HTR7: variants seen among roughly 807,000 people sequenced by gnomAD.
HTR7 encodes 5-HT-7.
Under a neutral mutation model 34.0 loss-of-function variants are expected in HTR7, and 16 were observed. The ratio of observed to expected loss-of-function variants is 0.47; its 90% CI spans 0.32 to 0.71. HTR7 has a LOEUF of 0.71. Among genes scored for constraint, HTR7 ranks in the 30% least tolerant of loss-of-function variants. The pLI, the probability that HTR7 is intolerant of heterozygous loss-of-function variation, is 0.04. For missense variants in HTR7, 504 were observed against 625.5 expected (o/e 0.81, Z 2.07); for synonymous variants, 265 against 260.2 (o/e 1.02, Z -0.18).
chr10:90,761,488 G>A (rs1482622771), intron 1 of HTR7, among the ~76,000 whole-genome samples: 2 of 152,110 alleles, frequency 1.3e-5, no homozygotes. Context: ...GGAGGCTTCT[G>A]GATCTTTCCA....
At chr10:90,811,984 T>C (rs547351107) in intron 1 of HTR7, among the ~76,000 whole-genome samples, 1 of 152,296 alleles carries the variant, frequency 6.6e-6, no homozygotes, top group East Asian at 1.9e-4. Flanking sequence ...AACCTTTACA[T>C]CCCTTACAGT....
At chr10:90,789,685 C>CA (rs925831106) in intron 1 of HTR7, among the ~76,000 whole-genome samples, 19 of 150,826 alleles carry the variant, frequency 1.3e-4, no homozygotes, top group South Asian at 8.4e-4. Flanking sequence ...CACAATCAAA[C>CA]AAAAAAAAAT....
chr10:90,822,973 T>C (rs755076815), intron 1 of HTR7, among the ~76,000 whole-genome samples: 2 of 152,102 alleles, frequency 1.3e-5, no homozygotes, highest in Non-Finnish European at 2.9e-5. Context: ...CTTGGGAGCC[T>C]CCACCTAGAT....
At chr10:90,821,624 G>C (rs546134449) in intron 1 of HTR7, among the ~76,000 whole-genome samples, 27 of 152,272 alleles carry the variant, frequency 1.8e-4, no homozygotes, top group African/African-American at 6.5e-4. Flanking sequence ...AGTGGACTTC[G>C]GGGACACATG....
At chr10:90,778,412 C>T (rs535274495) in intron 1 of HTR7, among the ~76,000 whole-genome samples, 1 of 152,146 alleles carries the variant, frequency 6.6e-6, no homozygotes, top group Non-Finnish European at 1.5e-5. Context: ...CTCAGCCCCT[C>T]ACCGAGTGAT....
At chr10:90,785,337 T>G (rs572841784) in intron 1 of HTR7, among the ~76,000 whole-genome samples, 1 of 152,102 alleles carries the variant, frequency 6.6e-6, no homozygotes, top group East Asian at 1.9e-4. Flanking sequence ...CAAAAGTGTT[T>G]GATCACTCAG....
chr10:90,844,004 C>T (rs986634260), intron 1 of HTR7, among the ~76,000 whole-genome samples: 7 of 152,212 alleles, frequency 4.6e-5, no homozygotes, highest in Non-Finnish European at 1.0e-4. Context: ...TCTATGGCTG[C>T]TTTCATGCTA....
intron 1 of HTR7, among the ~76,000 whole-genome samples, chr10:90,856,637 G>A (rs2120142886): frequency 6.6e-6 from 1 of 152,336 alleles, no homozygotes; most frequent in East Asian, 1.9e-4. Context: ...CCATCATAAA[G>A]ATGCAATGTG....
rs1463116362 is a variant in HTR7 at position 90,742,274 on chromosome 10, AAC to A, written c.*206_*207del. On this transcript the variant is annotated 3_prime_UTR_variant, in exon 4 of 4. Coordinates refer to ENST00000336152, the MANE Select transcript of HTR7 (RefSeq NM_019859.4). ...AGATGATCTGCTATCTTAAACTGAG[AAC>A]ACACAATAGCACTGATCCACAGAAA... 5.0e-6 allele frequency: 2 copies of A among 403,228 alleles called. No homozygotes were observed. The highest frequency in any genetic ancestry group is 8.9e-6 in the Non-Finnish European group (2 of 225,214). The allele number at this position is 403,228 out of a possible 1,614,324, so 25.0% of individuals were successfully genotyped here.
intron 1 of HTR7, among the ~76,000 whole-genome samples, chr10:90,793,698 G>A (rs1845494514): frequency 6.6e-6 from 1 of 151,996 alleles, no homozygotes. Context: ...ACGATCACAA[G>A]GCGAAATCCC....
chr10:90,835,570 T>C (rs1846241772), intron 1 of HTR7, among the ~76,000 whole-genome samples: 1 of 152,200 alleles, frequency 6.6e-6, no homozygotes, highest in Non-Finnish European at 1.5e-5. Flanking sequence ...TGTTTTCTTG[T>C]TTCATTCATT....
At chr10:90,806,421 A>G (rs1023598312) in intron 1 of HTR7, among the ~76,000 whole-genome samples, 5 of 151,904 alleles carry the variant, frequency 3.3e-5, no homozygotes, top group Non-Finnish European at 7.4e-5. Flanking sequence ...ACACGGTGAA[A>G]CCCCGTCTCT....
intron 1 of HTR7, among the ~76,000 whole-genome samples, chr10:90,778,323 G>A (rs539956697): frequency 2.0e-5 from 3 of 152,074 alleles, no homozygotes; most frequent in Non-Finnish European, 4.4e-5. Flanking sequence ...TGGGGTAATG[G>A]GTTAATGGAT....
At position 90,816,858 on chromosome 10, in the gene HTR7, T is replaced by C. The variant is rs77908881; in HGVS notation, c.539+40275A>G. ...TTAGGTCTGGTTTTCAGGGATATAATTAATTCAGACCCTACAAATAACCTG... is the reference window on the plus strand; with the variant it reads ...TTAGGTCTGGTTTTCAGGGATATAACTAATTCAGACCCTACAAATAACCTG... On this transcript the variant is annotated intron_variant, in intron 1 of 3. Transcript: ENST00000336152. Among the ~76,000 whole-genome samples the C allele has an allele frequency of 5.1e-4, 77 of 152,348 alleles. No homozygotes were observed. The East Asian group carries it at 0.012, about 24-fold the overall frequency.
chr10:90,825,625 T>C (rs1394855145), intron 1 of HTR7, among the ~76,000 whole-genome samples: 5 of 152,174 alleles, frequency 3.3e-5, no homozygotes, highest in African/African-American at 9.7e-5. Flanking sequence ...GAGAAGGAAT[T>C]TGGGATCTTA....
At chr10:90,824,098 C>A (rs1294003483) in intron 1 of HTR7, among the ~76,000 whole-genome samples, 1 of 152,234 alleles carries the variant, frequency 6.6e-6, no homozygotes, top group Non-Finnish European at 1.5e-5. Flanking sequence ...GTGCAGCTTG[C>A]AGCTCTGAAC....
rs1846601459 is a variant in HTR7 at position 90,857,405 on chromosome 10, C to A, written c.267G>T (p.Thr89=). Residue 89 remains threonine (T), a synonymous_variant, in exon 1 of 4, where the codon ACG becomes ACT. Transcript: ENST00000336152. The surrounding 1 kb of genome is among the most constrained non-coding windows in gnomAD (Gnocchi z 6.5). ...CCGCGATCGTCAGCAGCGTGATGAGCGTCAGGATGGAGCCGATCACAACTT... is the reference window on the plus strand; with the variant it reads ...CCGCGATCGTCAGCAGCGTGATGAGAGTCAGGATGGAGCCGATCACAACTT... ...VEKVVIGSIL[T]LITLLTIAGN... is the part of the protein sequence containing the mutation. 1.2e-6 allele frequency: 2 copies of A among 1,613,954 alleles called. No individual in the cohort carries two copies. Among genetic ancestry groups the A allele is most frequent in the Non-Finnish European group, 1.7e-6 (2 of 1,180,028 alleles).
intron 1 of HTR7, among the ~76,000 whole-genome samples, chr10:90,842,641 G>A (rs4459202): frequency 0.21 from 32,430 of 151,318 alleles, 4,487 homozygotes; most frequent in African/African-American, 0.39. Context: ...CTCTACTTGG[G>A]TATTGCCTTC....
At chr10:90,762,701 T>C (rs1013962253) in intron 1 of HTR7, among the ~76,000 whole-genome samples, 9 of 152,200 alleles carry the variant, frequency 5.9e-5, no homozygotes, top group African/African-American at 1.9e-4. Context: ...TTCAAAAATA[T>C]CACTGCCAAT....
Sources: allele counts gnomAD v4.1 joint callset (sites outside exome capture counted in the v4.1 genomes callset), GRCh38; gene constraint gnomAD v4.1.1; non-coding constraint Gnocchi (gnomAD v3.1); transcripts MANE v1.5; gene names NCBI Gene and HGNC (gene_info 2026-07-23, HGNC 2026-07-21).